Variants in MSANTD1 observed in about 807,000 individuals in gnomAD.
MSANTD1 encodes myb/SANT-like DNA-binding domain-containing protein 1.
MSANTD1 carries 7 observed loss-of-function variants against 24.2 expected under a neutral mutation model. The observed-to-expected ratio is 0.29, with a 90% CI of 0.16 to 0.54. MSANTD1 has a LOEUF of 0.54. Ranked by LOEUF, MSANTD1 falls within the 20% of genes least tolerant of loss-of-function variation. The pLI, the probability that MSANTD1 is intolerant of heterozygous loss-of-function variation, is 0.94. For synonymous variants in MSANTD1, 177 were observed against 181.1 expected (o/e 0.98, Z 0.18); for missense variants, 384 against 408.2 (o/e 0.94, Z 0.51).
chr4:3,248,890 C>A (rs966937491), upstream of MSANTD1: 112 of 273,706 alleles, frequency 4.1e-4, 1 homozygote, highest in Non-Finnish European at 5.4e-5. Context: ...CCGAGGCCCC[C>A]TCTTGGCCTG....
intron 2 of MSANTD1, among the ~76,000 whole-genome samples, chr4:3,254,702 C>T (rs908381644): frequency 2.0e-5 from 3 of 152,188 alleles, no homozygotes; most frequent in African/African-American, 7.2e-5. Context: ...CAGGAGGCGC[C>T]CACAGGGCTG....
At chr4:3,249,647 T>C in intron 1 of MSANTD1, 105 bp downstream of exon 1, 8 of 1,164,404 alleles carry the variant, frequency 6.9e-6, no homozygotes, top group Admixed American at 2.4e-5. Flanking sequence ...GTGTGGGTCG[T>C]GGCCTGCCTG....
At position 3,249,229 on chromosome 4, in the gene MSANTD1, CGT is replaced by C; in HGVS notation, c.9_10del (p.Ala5ArgfsTer110). The C allele has an allele frequency of 7.1e-7, 1 of 1,412,354 alleles. No individual in the cohort carries two copies. The highest frequency in any genetic ancestry group is 9.2e-7 in the Non-Finnish European group (1 of 1,084,926). The allele number at this position is 1,412,354 out of a possible 1,614,324, so 87.5% of individuals were successfully genotyped here. On this transcript the variant is annotated frameshift_variant, in exon 1 of 3. Coordinates refer to ENST00000438480, the MANE Select transcript of MSANTD1 (RefSeq NM_001042690.2). LOFTEE classifies it high-confidence loss of function. ...TGAGCGGCGCCTCCCGCCCATGGTG[CGT>C]GGGGCCGGGCCGGGGCCCTCGCTGA... Reference protein sequence around the residue: MVRGAGPGPSLSA... With the variant: MVXGAGPGPSLSA...
intron 1 of MSANTD1, among the ~76,000 whole-genome samples, chr4:3,251,646 A>G (rs1722230745): frequency 6.9e-6 from 1 of 144,730 alleles, no homozygotes; most frequent in South Asian, 2.3e-4. Flanking sequence ...TTTTCTTTAT[A>G]CCCGCAGTCT....
Position 3,249,944 on chromosome 4 carries a change from G to A in MSANTD1, c.320+402G>A, listed in dbSNP as rs544528893. Among the ~76,000 whole-genome samples, 145 of 152,330 alleles carry A rather than the reference G, an allele frequency of 9.5e-4. 1 individual carries two copies. The highest frequency in any genetic ancestry group is 3.3e-3 in the African/African-American group (136 of 41,586). The stretch of plus-strand genomic sequence containing the variant: ...GCTCCCCCATAGGGAGGCGGCGGCT[G>A]CCAGTGCCCTCCCCACCACCAAGCT... On this transcript the variant is annotated intron_variant, in intron 1 of 2. Transcript: ENST00000438480.
At chr4:3,252,809 CTTA>C (rs1722267114) in intron 1 of MSANTD1, among the ~76,000 whole-genome samples, 2 of 152,154 alleles carry the variant, frequency 1.3e-5, no homozygotes, top group South Asian at 4.1e-4. Flanking sequence ...CTTATAATAC[CTTA>C]TTATTACAAT....
chr4:3,249,259 G>A lies in MSANTD1; in HGVS notation c.37G>A (p.Ala13Thr), dbSNP rs528781349. 71 of 1,478,578 alleles carry A rather than the reference G, an allele frequency of 4.8e-5. 1 individual carries two copies. The East Asian group carries it at 9.2e-4, about 19-fold the overall frequency. 91.6% of individuals were successfully genotyped at this position (1,478,578 alleles called of 1,614,324 possible). A position where few individuals can be genotyped will look rare whatever the true frequency, so the allele number is the denominator to read the frequency against. The change falls in exon 1 of 3, where the codon GCG becomes ACG. Residue 13 changes from alanine (A) to threonine (T), a missense_variant. By Grantham distance (58) the Ala-to-Thr change is moderately conservative. Transcript: ENST00000438480. Reference sequence around the variant, plus strand: ...GGCCGGGCCGGGGCCCTCGCTGAGCGCGCTCTCTCACCCCACAGGCGCCTC... The same window carrying A: ...GGCCGGGCCGGGGCCCTCGCTGAGCACGCTCTCTCACCCCACAGGCGCCTC... ...RGAGPGPSLS[A>T]LSHPTGASGM...
Position 3,255,933 on chromosome 4 carries a change from C to T in MSANTD1, c.805C>T (p.Leu269=), listed in dbSNP as rs371626470. 1.9e-4 allele frequency: 297 copies of T among 1,542,362 alleles called. No individual in the cohort carries two copies. The African/African-American group carries it at 3.4e-3, about 18-fold the overall frequency. Residue 269 remains leucine (L), a synonymous_variant, in exon 3 of 3, where the codon CTG becomes TTG. Transcript: ENST00000438480. The stretch of plus-strand genomic sequence containing the variant: ...GCTGCAGGAGCGCATGATGAGTCTG[C>T]TGGAGAGGATCATCACCAAGTCCAG... ...LQLQERMMSL[L]ERIITKSSV is the part of the protein sequence containing the mutation.
At chr4:3,249,645 C>T (rs911847746) in intron 1 of MSANTD1, 103 bp downstream of exon 1, 23 of 1,170,918 alleles carry the variant, frequency 2.0e-5, no homozygotes, top group East Asian at 1.8e-4. Context: ...ATGTGTGGGT[C>T]GTGGCCTGCC....
At chr4:3,245,563 G>T (rs1264005693), upstream of MSANTD1, 2 of 152,242 alleles carry the variant, frequency 1.3e-5, no homozygotes, top group Non-Finnish European at 2.9e-5. Flanking sequence ...GCCTGCAGTG[G>T]GGCCTGAGGA....
At chr4:3,248,314 G>A (rs1450376605), upstream of MSANTD1, 2 of 152,428 alleles carry the variant, frequency 1.3e-5, no homozygotes, top group Admixed American at 1.3e-4. Flanking sequence ...TGGGCCTCGA[G>A]CCCCGTCTCC....
At chr4:3,255,017 G>T (rs1193593045) in intron 2 of MSANTD1, among the ~76,000 whole-genome samples, 1 of 152,132 alleles carries the variant, frequency 6.6e-6, no homozygotes, top group African/African-American at 2.4e-5. Flanking sequence ...CCTGGGGGTG[G>T]TCTCTCCACC....
In MSANTD1 at chr4:3,253,861, C is replaced by T. The variant is rs191179267; in HGVS notation, c.596+379C>T. Reference sequence around the variant, plus strand: ...AGACCAAGCCCCAGACCCCAGAATGCGCCCCCTGGCCTCCCTTAGCCCACA... The same window carrying T: ...AGACCAAGCCCCAGACCCCAGAATGTGCCCCCTGGCCTCCCTTAGCCCACA... On this transcript the variant is annotated intron_variant, in intron 2 of 2. Coordinates refer to ENST00000438480, the MANE Select transcript of MSANTD1 (RefSeq NM_001042690.2). Among the ~76,000 whole-genome samples, 491 of 152,356 alleles carry T rather than the reference C, an allele frequency of 3.2e-3. 4 individuals are homozygous for T. The highest frequency in any genetic ancestry group is 0.011 in the African/African-American group (460 of 41,582).
upstream of MSANTD1, chr4:3,248,084 A>T (rs1722087030): frequency 1.3e-5 from 2 of 152,358 alleles, no homozygotes; most frequent in African/African-American, 4.8e-5. Flanking sequence ...AGCACAGTCC[A>T]TGCTGCACAG....
chr4:3,246,379 C>G (rs1022922251), upstream of MSANTD1, among the ~76,000 whole-genome samples: 1 of 152,236 alleles, frequency 6.6e-6, no homozygotes, highest in African/African-American at 2.4e-5. Flanking sequence ...TGGTCAGTCC[C>G]CATGTCCTGC....
chr4:3,256,092 C>T lies in MSANTD1; in HGVS notation c.*127C>T. 8.2e-7 allele frequency: 1 copy of T among 1,216,934 alleles called. No homozygotes were observed. Among genetic ancestry groups the T allele is most frequent in the South Asian group, 1.7e-5 (1 of 58,396 alleles). 75.4% of individuals were successfully genotyped at this position (1,216,934 alleles called of 1,614,324 possible). On this transcript the variant is annotated 3_prime_UTR_variant, in exon 3 of 3. Coordinates refer to ENST00000438480, the MANE Select transcript of MSANTD1 (RefSeq NM_001042690.2). ...GAGCGGAGACCGCCTTCCACCTGGC[C>T]TCTGGCAGGATGTCCCTTCTGAGGG...
rs766112319 is a variant in MSANTD1 at position 3,249,384 on chromosome 4, C to T, written c.162C>T (p.Leu54=). The part of the protein sequence containing the change: ...RNWTDAEMRG[L]MLVWEEFFDE... ...GGACGGACGCCGAGATGCGCGGCCT[C>T]ATGCTGGTCTGGGAGGAGTTCTTCG... Residue 54 remains leucine, a synonymous_variant, in exon 1 of 3, where the codon CTC becomes CTT. Coordinates refer to ENST00000438480, the MANE Select transcript of MSANTD1 (RefSeq NM_001042690.2). 1.1e-5 allele frequency: 18 copies of T among 1,586,800 alleles called. No homozygotes were observed. The highest frequency in any genetic ancestry group is 7.2e-5 in the Admixed American group (4 of 55,334).
At position 3,253,130 on chromosome 4, in the gene MSANTD1, C is replaced by A. The variant is rs1722279634; in HGVS notation, c.321-77C>A. On this transcript the variant is annotated intron_variant, in intron 1 of 2. Transcript: ENST00000438480. ...CCTGCCTGTGCCGGCGTGGCGCGCC[C>A]CTCTGCTGAGGCTGGGCAGGACAGG... 4.2e-6 allele frequency: 6 copies of A among 1,411,994 alleles called. No individual in the cohort carries two copies. The East Asian group carries it at 1.6e-4, about 37-fold the overall frequency. 87.5% of individuals were successfully genotyped at this position (1,411,994 alleles called of 1,614,324 possible).
At chr4:3,255,535 T>C (rs1209148398) in intron 2 of MSANTD1, among the ~76,000 whole-genome samples, 190 bp from the exon 3 acceptor site, 2 of 152,216 alleles carry the variant, frequency 1.3e-5, no homozygotes, top group Non-Finnish European at 2.9e-5. Flanking sequence ...CCCCTGTTAC[T>C]TTCTGTCAAA....
Sources: allele counts gnomAD v4.1 joint callset (sites outside exome capture counted in the v4.1 genomes callset), GRCh38; gene constraint gnomAD v4.1.1; transcripts MANE v1.5; gene names NCBI Gene and HGNC (gene_info 2026-07-23, HGNC 2026-07-21).